Variants in FLNB observed in about 807,000 individuals in gnomAD.
FLNB encodes filamin B.
A neutral mutation model predicts 250.6 loss-of-function variants in FLNB; 111 were observed. That is an observed-to-expected ratio of 0.44 (90% CI 0.38 to 0.52). The LOEUF (loss-of-function observed/expected upper bound fraction) is 0.52. Ranked by LOEUF, FLNB falls within the 20% of genes least tolerant of loss-of-function variation. The probability of loss-of-function intolerance (pLI) is 0.00; values close to 1 mark genes in which losing one functional copy is unlikely to be tolerated. For synonymous variants in FLNB, 1,302 were observed against 1,372.1 expected, an observed-to-expected ratio of 0.95 and a Z score of 1.13; for missense variants, 2,869 against 3,447.8, an observed-to-expected ratio of 0.83 and a Z score of 4.20.
At chr3:58,066,217 C>CTTT (rs754973485) in intron 1 of FLNB, among the ~76,000 whole-genome samples, 1 of 138,264 alleles carries the variant, frequency 7.2e-6, no homozygotes, top group African/African-American at 2.7e-5. Flanking sequence ...TTCTTTTTTT[C>CTTT]TTTTTTTTTT....
chr3:58,060,357 T>G (rs1384462752), intron 1 of FLNB, among the ~76,000 whole-genome samples: 1 of 149,240 alleles, frequency 6.7e-6, no homozygotes, highest in East Asian at 2.0e-4. Context: ...TCTCTCTTTT[T>G]TTTTTTTTTT....
chr3:58,008,550 C>T lies in FLNB; in HGVS notation c.-15C>T, dbSNP rs550868750. ...CCGGCAGCTCGTTGCGCATTGCGCT[C>T]TCCCCGCCACCAGGATGCCGGTAAC... is the stretch of plus-strand genomic sequence containing the variant. On this transcript the variant is annotated 5_prime_UTR_variant, in exon 1 of 46. Transcript: ENST00000295956. 1.9e-6 allele frequency: 3 copies of T among 1,574,432 alleles called. No homozygotes were observed. Among genetic ancestry groups the T allele is most frequent in the East Asian group, 2.4e-5 (1 of 42,382 alleles).
At chr3:58,080,269 A>G (rs528542090) in intron 3 of FLNB, among the ~76,000 whole-genome samples, 64 of 152,268 alleles carry the variant, frequency 4.2e-4, no homozygotes, top group Middle Eastern at 3.4e-3. Flanking sequence ...TTCATTGCAC[A>G]TGGTTAACCT....
At chr3:58,123,886 C>T (rs753599698) in intron 21 of FLNB, among the ~76,000 whole-genome samples, 196 bp downstream of exon 21, 48 of 152,010 alleles carry the variant, frequency 3.2e-4, no homozygotes, top group Admixed American at 1.8e-3. Context: ...TTCTGGGGAC[C>T]GTGCTACTCA....
chr3:58,049,161 A>C (rs528113422), intron 1 of FLNB, among the ~76,000 whole-genome samples: 2 of 152,226 alleles, frequency 1.3e-5, no homozygotes, highest in Non-Finnish European at 2.9e-5. Context: ...GGACATACCT[A>C]TGCTAAACGA....
At position 58,132,859 on chromosome 3, in the gene FLNB, T is replaced by C; in HGVS notation, c.4442T>C (p.Val1481Ala). The C allele has an allele frequency of 1.2e-6, 2 of 1,613,932 alleles. No individual in the cohort carries two copies. Among genetic ancestry groups the C allele is most frequent in the South Asian group, 2.2e-5 (2 of 91,058 alleles). Residue 1481 changes from valine to alanine, a missense_variant, in exon 26 of 46, where the codon GTA (valine) becomes GCA (alanine). By Grantham distance (64) the Val-to-Ala change is moderately conservative. This residue lies in a region of FLNB where 126 missense variants were observed against 182.0 expected (regional missense o/e 0.69). Transcript: ENST00000295956. ...GACAATGGAGATGGCACACACACAG[T>C]AACCTACACCCCATCTCAGGAGGGA... Reference protein sequence around the residue: ...VVDNGDGTHTVTYTPSQEGPY... With the variant: ...VVDNGDGTHTATYTPSQEGPY...
chr3:58,089,504 C>T (rs2097222691), intron 4 of FLNB, among the ~76,000 whole-genome samples: 1 of 150,118 alleles, frequency 6.7e-6, no homozygotes, highest in Admixed American at 6.6e-5. Context: ...TGAGGTCATG[C>T]CGTTGCCCTC....
chr3:58,064,781 T>C (rs2097183190), intron 1 of FLNB, among the ~76,000 whole-genome samples: 1 of 151,860 alleles, frequency 6.6e-6, no homozygotes, highest in African/African-American at 2.4e-5. Context: ...GAGAGGCCAA[T>C]GTGGGCAGAT....
chr3:58,130,470 G>T (rs186007539), intron 24 of FLNB, among the ~76,000 whole-genome samples: 3 of 152,286 alleles, frequency 2.0e-5, no homozygotes, highest in Non-Finnish European at 4.4e-5. Context: ...TGACTTGCTT[G>T]CCTCATCCTT....
chr3:58,138,250 C>T, intron 28 of FLNB, 32 bp from the exon 29 acceptor site: 1 of 1,612,450 alleles, frequency 6.2e-7, no homozygotes, highest in Non-Finnish European at 8.5e-7. Flanking sequence ...TGTGTCCATA[C>T]TTCCATTCTC....
chr3:58,146,735 T>G, intron 33 of FLNB, 85 bp from the exon 34 acceptor site: 1 of 1,408,640 alleles, frequency 7.1e-7, no homozygotes, highest in Non-Finnish European at 1.0e-6. Flanking sequence ...GCATCAGGGC[T>G]GCCCTGGATG....
rs1046117725 is a variant in FLNB, at chr3:58,170,020, G to A, written c.7621+227G>A. Reference sequence around the variant, plus strand: ...GGTATTTATTTGGGTTTCAAGGGTCGGTTGCCTGGGTTCTGGCATCCAGTA... The same window carrying A: ...GGTATTTATTTGGGTTTCAAGGGTCAGTTGCCTGGGTTCTGGCATCCAGTA... On this transcript the variant is annotated intron_variant, in intron 45 of 45. Transcript: ENST00000295956. 3.3e-5 allele frequency among the ~76,000 whole-genome samples: 5 copies of A among 152,100 alleles called. No individual in the cohort carries two copies. In the South Asian group the frequency reaches 6.2e-4, roughly 19 times the overall value.
Position 58,169,379 on chromosome 3 carries a change from T to G in FLNB, c.7418-211T>G. The G allele has an allele frequency of 1.7e-6, 1 of 591,414 alleles. No homozygotes were observed. The highest frequency in any genetic ancestry group is 3.1e-6 in the Non-Finnish European group (1 of 324,476). 36.6% of individuals were successfully genotyped at this position (591,414 alleles called of 1,614,324 possible). Reference sequence around the variant, plus strand: ...TGTCAGCCAAGGCCAGACTCATCCATTTGCCCAGAAAGCCAGATCCTAGTT... The same window carrying G: ...TGTCAGCCAAGGCCAGACTCATCCAGTTGCCCAGAAAGCCAGATCCTAGTT... On this transcript the variant is annotated intron_variant, in intron 44 of 45. Transcript: ENST00000295956. This position sits in a 1 kb window ranked among gnomAD's most constrained non-coding sequence, Gnocchi z 4.8.
chr3:58,123,495 A>G lies in FLNB; in HGVS notation c.3529A>G (p.Lys1177Glu). Residue 1177 changes from lysine to glutamate, a missense_variant, in exon 21 of 46, where the codon AAA becomes GAA. Lys to Glu is a moderately conservative substitution (Grantham distance 56). Transcript: ENST00000295956. The stretch of plus-strand genomic sequence containing the variant: ...GGAAGCTGTCTCGGACTCGGGAACA[A>G]AAGCCGAAGTCAGTATTCAGAACAA... Reference protein sequence around the residue: ...GLEAVSDSGTKAEVSIQNNKD... With the variant: ...GLEAVSDSGTEAEVSIQNNKD... 6.2e-7 allele frequency: 1 copy of G among 1,604,016 alleles called. No individual in the cohort carries two copies. The highest frequency in any genetic ancestry group is 8.5e-7 in the Non-Finnish European group (1 of 1,173,848).
At chr3:58,122,296 C>T (rs1349499662) in intron 20 of FLNB, among the ~76,000 whole-genome samples, 1 of 151,672 alleles carries the variant, frequency 6.6e-6, no homozygotes, top group Non-Finnish European at 1.5e-5. Flanking sequence ...AGTTTGAGAC[C>T]AACCTGGCCA....
chr3:58,087,741 C>T (rs55729263), intron 4 of FLNB, among the ~76,000 whole-genome samples: 65,834 of 151,586 alleles, frequency 0.43, 15,862 homozygotes, highest in East Asian at 0.92. Context: ...TGAGCCACTG[C>T]GCCCAGCCTT....
chr3:58,072,244 A>T (rs1292545064), intron 1 of FLNB, among the ~76,000 whole-genome samples: 2 of 152,070 alleles, frequency 1.3e-5, no homozygotes, highest in Non-Finnish European at 2.9e-5. Flanking sequence ...TATTGGCTGG[A>T]TTTGGGGAGG....
rs2097235315 is a variant in FLNB at position 58,094,828 on chromosome 3, T to G, written c.788-8T>G. On this transcript the variant is annotated splice_region_variant and splice_polypyrimidine_tract_variant and intron_variant, in intron 4 of 45. Coordinates refer to ENST00000295956, the MANE Select transcript of FLNB (RefSeq NM_001457.4). ...GGCTTCTAACATGTCTGTGTAAACC[T>G]GTGGCAGGAATCGAGCCCACTGGAA... The G allele has an allele frequency of 1.2e-6, 2 of 1,611,844 alleles. No homozygotes were observed. The highest frequency in any genetic ancestry group is 4.5e-5 in the East Asian group (2 of 44,872).
chr3:58,093,272 A>G (rs76820015), intron 4 of FLNB, among the ~76,000 whole-genome samples: 2,353 of 152,248 alleles, frequency 0.015, 51 homozygotes, highest in East Asian at 0.054. Context: ...GTCCCCATGA[A>G]GTTGGGGTGG....
Sources: allele counts gnomAD v4.1 joint callset (sites outside exome capture counted in the v4.1 genomes callset), GRCh38; gene constraint gnomAD v4.1.1; regional missense constraint gnomAD v4.1.1; non-coding constraint Gnocchi (gnomAD v3.1); transcripts MANE v1.5; gene names NCBI Gene and HGNC (gene_info 2026-07-23, HGNC 2026-07-21).